PRPSAP1: variants seen among roughly 807,000 people sequenced by gnomAD.
PRPSAP1 encodes the protein phosphoribosyl pyrophosphate synthase-associated protein 1.
Under a neutral mutation model 39.4 loss-of-function variants are expected in PRPSAP1, and 31 were observed. That is an observed-to-expected ratio of 0.79 (90% CI 0.59 to 1.06). PRPSAP1 has a LOEUF of 1.06. Among genes scored for constraint, PRPSAP1 ranks in the 50% least tolerant of loss-of-function variants. The probability of loss-of-function intolerance (pLI) is 0.00; values close to 1 mark genes in which losing one functional copy is unlikely to be tolerated. For synonymous variants in PRPSAP1, 212 were observed against 192.6 expected (o/e 1.10, Z -0.83); for missense variants, 430 against 511.6 (o/e 0.84, Z 1.54).
chr17:76,325,795 A>T (rs1489198613), intron 7 of PRPSAP1, among the ~76,000 whole-genome samples: 3 of 151,542 alleles, frequency 2.0e-5, no homozygotes, highest in Non-Finnish European at 4.4e-5. Context: ...TTTAGTAGAG[A>T]CGCGATTTCA....
Position 76,345,828 on chromosome 17 carries a change from C to A in PRPSAP1, c.224-1091G>T, listed in dbSNP as rs974335688. On this transcript the variant is annotated intron_variant, in intron 2 of 9. Transcript: ENST00000446526. Reference sequence around the variant, plus strand: ...CCCAGTGCCTACGTCCGGCTGCTTTCGTTGCCACCATGCCCAAGAGAAAGG... The same window carrying A: ...CCCAGTGCCTACGTCCGGCTGCTTTAGTTGCCACCATGCCCAAGAGAAAGG... 82 of 375,378 alleles carry A rather than the reference C, an allele frequency of 2.2e-4. 1 individual carries two copies. The highest frequency in any genetic ancestry group is 1.8e-3 in the South Asian group (80 of 45,094). The allele number at this position is 375,378 out of a possible 1,614,324, so 23.3% of individuals were successfully genotyped here.
chr17:76,311,596 G>A lies in PRPSAP1; in HGVS notation c.1104C>T (p.Ile368=), dbSNP rs377340027. Residue 368 remains isoleucine (I), a synonymous_variant, in exon 10 of 10, where the codon ATC becomes ATT. Coordinates refer to ENST00000446526, the MANE Select transcript of PRPSAP1 (RefSeq NM_002766.3). ...GGTAGGCCATGGACTCTCCATTGTG[G>A]ATTCTCCGAATGGCTTCAGAAAGAA... ...SLILSEAIRR[I]HNGESMAYLF... is the part of the protein sequence containing the mutation. The A allele has an allele frequency of 3.1e-6, 5 of 1,614,036 alleles. No individual in the cohort carries two copies. In the African/African-American group the frequency reaches 6.7e-5, roughly 22 times the overall value.
At chr17:76,339,134 G>C (rs932254007) in intron 3 of PRPSAP1, among the ~76,000 whole-genome samples, 1 of 152,102 alleles carries the variant, frequency 6.6e-6, no homozygotes, top group African/African-American at 2.4e-5. Flanking sequence ...ACTGGGCACG[G>C]TGGCTCACGT....
At chr17:76,340,189 T>C (rs1351823551) in intron 3 of PRPSAP1, among the ~76,000 whole-genome samples, 2 of 146,418 alleles carry the variant, frequency 1.4e-5, no homozygotes, top group Non-Finnish European at 3.0e-5. Flanking sequence ...TCTTAGTATA[T>C]TGCCCAGGCT....
At chr17:76,338,124 T>A (rs1898260057) in intron 3 of PRPSAP1, among the ~76,000 whole-genome samples, 1 of 152,152 alleles carries the variant, frequency 6.6e-6, no homozygotes, top group African/African-American at 2.4e-5. Flanking sequence ...AAATTAAACC[T>A]ATCCTCAACG....
chr17:76,347,897 A>C (rs1352136175), intron 2 of PRPSAP1, among the ~76,000 whole-genome samples: 1 of 152,198 alleles, frequency 6.6e-6, no homozygotes, highest in East Asian at 1.9e-4. Context: ...GGTGGATCAA[A>C]GATGAGGCAG....
intron 7 of PRPSAP1, among the ~76,000 whole-genome samples, chr17:76,320,422 G>A (rs1240425349): frequency 1.1e-5 from 1 of 86,976 alleles, no homozygotes. Context: ...TGCAGATAAT[G>A]CTTTTTTTTT....
chr17:76,311,435 C>T lies in PRPSAP1; in HGVS notation c.*107G>A, dbSNP rs1490233477. 3.9e-6 allele frequency: 5 copies of T among 1,279,038 alleles called. No homozygotes were observed. The East Asian group carries it at 1.2e-4, about 31-fold the overall frequency. The allele number at this position is 1,279,038 out of a possible 1,614,324, so 79.2% of individuals were successfully genotyped here. A position where few individuals can be genotyped will look rare whatever the true frequency, so the allele number is the denominator to read the frequency against. ...AATCCGGGCAAAAGAAGATATCTAA[C>T]TCCAGGCTGTTTCGAGTCCTCCCTT... is the stretch of plus-strand genomic sequence containing the variant. On this transcript the variant is annotated 3_prime_UTR_variant, in exon 10 of 10. Transcript: ENST00000446526.
chr17:76,309,863 G>C lies in PRPSAP1; in HGVS notation c.*1679C>G, dbSNP rs2071050952. 6.6e-6 allele frequency: 1 copy of C among 152,168 alleles called. No individual in the cohort carries two copies. Among genetic ancestry groups the C allele is most frequent in the East Asian group, 1.9e-4 (1 of 5,204 alleles). 9.4% of individuals were successfully genotyped at this position (152,168 alleles called of 1,614,324 possible). A position where few individuals can be genotyped will look rare whatever the true frequency, so the allele number is the denominator to read the frequency against. ...CTATTTTAACTACTGTTCAAGTTCAGATTTTTCACTTCAGCCTGAGAGGTA... is the reference window on the plus strand; with the variant it reads ...CTATTTTAACTACTGTTCAAGTTCACATTTTTCACTTCAGCCTGAGAGGTA... On this transcript the variant is annotated 3_prime_UTR_variant, in exon 10 of 10. Transcript: ENST00000446526.
intron 3 of PRPSAP1, among the ~76,000 whole-genome samples, chr17:76,339,032 C>CA (rs920626485): frequency 2.7e-4 from 40 of 147,090 alleles, no homozygotes; most frequent in South Asian, 1.5e-3. Context: ...AAACTCGTCT[C>CA]AAAAAAAAAA....
chr17:76,314,883 CACAGAGACTG>C (rs1156770776), intron 7 of PRPSAP1, among the ~76,000 whole-genome samples: 3 of 152,192 alleles, frequency 2.0e-5, no homozygotes, highest in African/African-American at 7.2e-5. Context: ...ACCCCACTCT[CACAGAGACTG>C]ACAGAGACAT....
At chr17:76,322,619 T>C (rs1184890930) in intron 7 of PRPSAP1, among the ~76,000 whole-genome samples, 2 of 152,088 alleles carry the variant, frequency 1.3e-5, no homozygotes, top group African/African-American at 4.8e-5. Flanking sequence ...GGCGGGAGGA[T>C]TACTTGAGCC....
intron 9 of PRPSAP1, among the ~76,000 whole-genome samples, chr17:76,312,115 G>C (rs575425376): frequency 3.3e-5 from 5 of 152,028 alleles, no homozygotes; most frequent in African/African-American, 1.2e-4. Flanking sequence ...CTGGATAAAC[G>C]CATCATTATA....
chr17:76,313,132 A>G, intron 8 of PRPSAP1, 116 bp from the exon 9 acceptor site: 2 of 1,329,384 alleles, frequency 1.5e-6, no homozygotes, highest in Non-Finnish European at 2.0e-6. Context: ...CTGATGGAAA[A>G]TCAGAGCTGT....
At chr17:76,319,722 G>C (rs554929913) in intron 7 of PRPSAP1, among the ~76,000 whole-genome samples, 1 of 151,844 alleles carries the variant, frequency 6.6e-6, no homozygotes, top group Non-Finnish European at 1.5e-5. Context: ...CAAAGTGCTG[G>C]GATTACAGGC....
At chr17:76,324,260 T>C (rs2071228518) in intron 7 of PRPSAP1, among the ~76,000 whole-genome samples, 1 of 152,064 alleles carries the variant, frequency 6.6e-6, no homozygotes, top group African/African-American at 2.4e-5. Context: ...TGTGCCATCC[T>C]TGAACCTTGT....
intron 1 of PRPSAP1, among the ~76,000 whole-genome samples, chr17:76,349,667 AG>A (rs535512789): frequency 5.8e-4 from 88 of 151,578 alleles, no homozygotes; most frequent in Non-Finnish European, 9.6e-4. Flanking sequence ...AGGCTGAGAC[AG>A]GAGAATTGCC....
At chr17:76,332,469 T>C (rs1356345842) in intron 3 of PRPSAP1, 34 bp from the exon 4 acceptor site, 4 of 1,610,090 alleles carry the variant, frequency 2.5e-6, no homozygotes, top group Non-Finnish European at 2.5e-6. Flanking sequence ...TGGGGATTAA[T>C]TCCATGTATC....
chr17:76,348,364 TCAGCAGG>T (rs1421135453), intron 2 of PRPSAP1, among the ~76,000 whole-genome samples, 158 bp downstream of exon 2: 1 of 151,528 alleles, frequency 6.6e-6, no homozygotes, highest in Admixed American at 6.7e-5. Context: ...TCCCAGCTAC[TCAGCAGG>T]CTGAGGCAGG....
Sources: gnomAD v4.1 joint callset for allele counts (sites outside exome capture counted in the v4.1 genomes callset) on GRCh38, gnomAD v4.1.1 for gene constraint, MANE v1.5 for transcripts, NCBI Gene and HGNC (gene_info 2026-07-23, HGNC 2026-07-21) for gene names.